The following CAB39L variants were observed in gnomAD, a reference collection of about 807,000 sequenced individuals.
CAB39L encodes the protein calcium-binding protein 39-like.
In CAB39L, 23 loss-of-function variants were observed where a neutral mutation model predicts 39.1. That is an observed-to-expected ratio of 0.59 (90% CI 0.42 to 0.83). The LOEUF is 0.83. Ranked by LOEUF, CAB39L falls within the 40% of genes least tolerant of loss-of-function variation. The pLI, the probability that CAB39L is intolerant of heterozygous loss-of-function variation, is 0.00. For missense variants in CAB39L, 366 were observed against 391.9 expected (o/e 0.93, Z 0.56); for synonymous variants, 126 against 137.2 (o/e 0.92, Z 0.57).
chr13:49,368,874 C>A (rs1470481573), intron 5 of CAB39L, among the ~76,000 whole-genome samples: 1 of 152,010 alleles, frequency 6.6e-6, no homozygotes, highest in African/African-American at 2.4e-5. Context: ...GCATCCCTCA[C>A]AGATAGCATA....
intron 3 of CAB39L, among the ~76,000 whole-genome samples, chr13:49,423,165 T>A (rs1957196081): frequency 2.6e-5 from 4 of 152,220 alleles, no homozygotes; most frequent in Admixed American, 2.0e-4. Context: ...CAGGATCACC[T>A]GGACGGCAGG....
At chr13:49,417,700 CA>C (rs200887257) in intron 3 of CAB39L, among the ~76,000 whole-genome samples, 1,658 of 104,558 alleles carry the variant, frequency 0.016, 17 homozygotes, top group Middle Eastern at 0.031. Flanking sequence ...GATATTCTAT[CA>C]GGGGAAGACT....
intron 3 of CAB39L, among the ~76,000 whole-genome samples, chr13:49,412,268 TA>T (rs1957005581): frequency 1.3e-5 from 2 of 152,198 alleles, no homozygotes; most frequent in African/African-American, 4.8e-5. Flanking sequence ...AATCAGAATT[TA>T]AAAACACAAT....
chr13:49,438,284 A>AC (rs554141059), intron 1 of CAB39L, among the ~76,000 whole-genome samples: 1 of 151,754 alleles, frequency 6.6e-6, no homozygotes, highest in Non-Finnish European at 1.5e-5. Flanking sequence ...TTTTCCTCCC[A>AC]TTTTTTTGCG....
chr13:49,400,951 T>G (rs1484186727), intron 3 of CAB39L, among the ~76,000 whole-genome samples: 1 of 151,952 alleles, frequency 6.6e-6, no homozygotes, highest in Non-Finnish European at 1.5e-5. Flanking sequence ...AGAGAAGTAT[T>G]GTTTTGTAGT....
intron 3 of CAB39L, among the ~76,000 whole-genome samples, chr13:49,403,216 C>T (rs1466045538): frequency 6.6e-6 from 1 of 151,962 alleles, no homozygotes; most frequent in Admixed American, 6.6e-5. Context: ...TCATAATATA[C>T]AGGAAACTGG....
chr13:49,319,403 GC>G (rs1954283952), intron 10 of CAB39L, among the ~76,000 whole-genome samples: 1 of 152,066 alleles, frequency 6.6e-6, no homozygotes, highest in Non-Finnish European at 1.5e-5. Flanking sequence ...GATCCATGGA[GC>G]CAGAAAGCAG....
At chr13:49,438,931 T>C (rs1374999087) in intron 1 of CAB39L, among the ~76,000 whole-genome samples, 1 of 152,214 alleles carries the variant, frequency 6.6e-6, no homozygotes, top group African/African-American at 2.4e-5. Flanking sequence ...AAATTTACTG[T>C]TTTAAAGTAT....
chr13:49,392,992 G>T (rs1956521867), intron 3 of CAB39L: 1 of 151,898 alleles, frequency 6.6e-6, no homozygotes, highest in Non-Finnish European at 1.5e-5. Context: ...ACAAAAAAAT[G>T]GTTAATGGAG....
At chr13:49,435,404 C>T (rs574005913) in intron 1 of CAB39L, among the ~76,000 whole-genome samples, 30 of 152,292 alleles carry the variant, frequency 2.0e-4, no homozygotes, top group African/African-American at 7.0e-4. Context: ...TGCCTATTTC[C>T]CCACAGTCTA....
At chr13:49,346,798 C>G (rs1955190321) in intron 7 of CAB39L, among the ~76,000 whole-genome samples, 1 of 152,080 alleles carries the variant, frequency 6.6e-6, no homozygotes, top group Non-Finnish European at 1.5e-5. Flanking sequence ...TCAAGGACAT[C>G]CAGCTTATCA....
intron 8 of CAB39L, among the ~76,000 whole-genome samples, chr13:49,340,462 GGA>G (rs990250724): frequency 1.3e-5 from 2 of 152,198 alleles, no homozygotes; most frequent in African/African-American, 4.8e-5. Flanking sequence ...CCTAGCCCTC[GGA>G]GAGTCAAGTG....
At chr13:49,313,729 C>T (rs916366717) in intron 10 of CAB39L, among the ~76,000 whole-genome samples, 4 of 152,198 alleles carry the variant, frequency 2.6e-5, no homozygotes, top group Non-Finnish European at 5.9e-5. Context: ...CTGAGCCCTA[C>T]AGAGCTCTCT....
At chr13:49,377,774 T>G (rs1323488611) in intron 4 of CAB39L, among the ~76,000 whole-genome samples, 2 of 91,290 alleles carry the variant, frequency 2.2e-5, no homozygotes, top group Non-Finnish European at 2.2e-5. Flanking sequence ...TGCCTTGGCC[T>G]CCCAAAGTGC....
intron 10 of CAB39L, among the ~76,000 whole-genome samples, chr13:49,325,962 A>C (rs1954484964): frequency 6.6e-6 from 1 of 152,114 alleles, no homozygotes; most frequent in Admixed American, 6.6e-5. Context: ...TGTCAAGCCG[A>C]CTTTTATATT....
At chr13:49,362,363 G>T (rs1023592104) in intron 5 of CAB39L, among the ~76,000 whole-genome samples, 30 of 152,006 alleles carry the variant, frequency 2.0e-4, no homozygotes, top group African/African-American at 7.0e-4. Flanking sequence ...CACAGAGAAA[G>T]AATTCAGAAT....
At chr13:49,345,434 T>A (rs1347317204) in intron 7 of CAB39L, among the ~76,000 whole-genome samples, 2 of 152,166 alleles carry the variant, frequency 1.3e-5, no homozygotes, top group Admixed American at 6.5e-5. Context: ...CATGGTGTTT[T>A]TCCCCCCCAG....
At chr13:49,407,861 C>CA (rs35392956) in intron 3 of CAB39L, among the ~76,000 whole-genome samples, 6,987 of 114,006 alleles carry the variant, frequency 0.061, 504 homozygotes, top group East Asian at 0.18. Context: ...GACCCCGTCT[C>CA]AAAAAAAAAA....
At chr13:49,435,927 T>G (rs1285046666) in intron 1 of CAB39L, among the ~76,000 whole-genome samples, 2 of 152,256 alleles carry the variant, frequency 1.3e-5, no homozygotes, top group African/African-American at 4.8e-5. Context: ...AGGTTAGCTC[T>G]TTGTGATATA....
Sources: gnomAD v4.1 joint callset for allele counts (sites outside exome capture counted in the v4.1 genomes callset) on GRCh38, gnomAD v4.1.1 for gene constraint, MANE v1.5 for transcripts, NCBI Gene and HGNC (gene_info 2026-07-23, HGNC 2026-07-21) for gene names.